Variants in PDE7A observed in about 807,000 individuals in gnomAD.
PDE7A encodes high affinity 3',5'-cyclic-AMP phosphodiesterase 7A.
Under a neutral mutation model 64.3 loss-of-function variants are expected in PDE7A, and 39 were observed. The ratio of observed to expected loss-of-function variants is 0.61; its 90% confidence interval spans 0.47 to 0.79. The LOEUF is 0.79. PDE7A is among the 30% of genes least tolerant of loss of function. The pLI is 0.00. For synonymous variants in PDE7A, 203 were observed against 206.8 expected (o/e 0.98, Z 0.16); for missense variants, 470 against 582.8 (o/e 0.81, Z 1.99).
At chr8:65,741,077 C>T (rs1807408589) in intron 5 of PDE7A, among the ~76,000 whole-genome samples, 1 of 152,156 alleles carries the variant, frequency 6.6e-6, no homozygotes, top group Non-Finnish European at 1.5e-5. Flanking sequence ...TTCGTTTTCC[C>T]TTCCATGGTG....
intron 3 of PDE7A, among the ~76,000 whole-genome samples, chr8:65,752,033 TAC>T (rs1432429795): frequency 6.6e-6 from 1 of 152,212 alleles, no homozygotes; most frequent in Non-Finnish European, 1.5e-5. Context: ...GCTACAGTTT[TAC>T]AGTTTGCAAG....
In PDE7A at chr8:65,782,832, A is replaced by G; in HGVS notation, c.150T>C (p.Ala50=). 1.3e-6 allele frequency: 2 copies of G among 1,584,272 alleles called. No homozygotes were observed. The highest frequency in any genetic ancestry group is 1.7e-6 in the Non-Finnish European group (2 of 1,154,454). ...TCTGATCAGAACTGTCATAGGAAAT[A>G]GCTCCACGCCTCTAGAAAAAAAAAT... ...NPRQLSQRRG[A]ISYDSSDQTA... is the part of the protein sequence containing the mutation. Residue 50 remains alanine, a synonymous_variant, in exon 2 of 13, where the codon GCT becomes GCC. Transcript: ENST00000401827.
intron 1 of PDE7A, among the ~76,000 whole-genome samples, chr8:65,815,496 A>T (rs1225145173): frequency 6.6e-6 from 1 of 152,238 alleles, no homozygotes; most frequent in African/African-American, 2.4e-5. Context: ...ACTCCCAGTC[A>T]TGACACAAAA....
rs1807749870 is a variant in PDE7A at position 65,747,776 on chromosome 8, G to A, written c.311C>T (p.Ser104Phe). 2 of 1,608,914 alleles carry A rather than the reference G, an allele frequency of 1.2e-6. No individual in the cohort carries two copies. The highest frequency in any genetic ancestry group is 1.7e-6 in the Non-Finnish European group (2 of 1,176,758). Residue 104 changes from serine to phenylalanine, a missense_variant, in exon 4 of 13, where the codon TCT becomes TTT. Physicochemically the swap from Ser to Phe is radical, Grantham distance 155. Transcript: ENST00000401827. ...TAGTAGCCTTCTGATATTCCTTGCA[G>A]AGACAGACACTTCAATTTCAGATTG... Reference protein sequence around the residue: ...HSQSEIEVSVSARNIRRLLSF... With the variant: ...HSQSEIEVSVFARNIRRLLSF...
intron 12 of PDE7A, 43 bp from the exon 13 acceptor site, chr8:65,719,538 A>C: frequency 1.6e-6 from 2 of 1,267,568 alleles, no homozygotes; most frequent in Non-Finnish European, 2.3e-6. Context: ...ATATGCTGAA[A>C]CTCTATCTTT....
chr8:65,830,013 T>C (rs959035333), intron 1 of PDE7A, among the ~76,000 whole-genome samples: 5 of 152,110 alleles, frequency 3.3e-5, no homozygotes, highest in Admixed American at 1.3e-4. Context: ...TCTAGAACCA[T>C]TGTGTTGACA....
rs756303754 is a variant in PDE7A at position 65,841,502 on chromosome 8, C to G, written c.7G>C (p.Val3Leu). 6.5e-7 allele frequency: 1 copy of G among 1,536,540 alleles called. No individual in the cohort carries two copies. Among genetic ancestry groups the G allele is most frequent in the Admixed American group, 2.2e-5 (1 of 45,990 alleles). Residue 3 changes from valine (V) to leucine (L), a missense_variant, in exon 1 of 13, where the codon GTG (valine) becomes CTG (leucine). Physicochemically the swap from Val to Leu is conservative, Grantham distance 32. Coordinates refer to ENST00000401827, the MANE Select transcript of PDE7A (RefSeq NM_001242318.3). Reference protein sequence around the residue: MEVCYQLPVLPLD... With the variant: MELCYQLPVLPLD... ...GGCAGTACCGGCAGCTGGTAACACA[C>G]TTCCATTGAATACGCCCGCCCTGCC...
intron 1 of PDE7A, among the ~76,000 whole-genome samples, chr8:65,798,173 TGTGTGC>T (rs1224381490): frequency 7.1e-6 from 1 of 139,984 alleles, no homozygotes; most frequent in Non-Finnish European, 1.5e-5. Context: ...CATGTGTGTG[TGTGTGC>T]ATATATATAT....
chr8:65,841,469 T>C lies in PDE7A; in HGVS notation c.40A>G (p.Arg14Gly). ...CYQLPVLPLD[R>G]PVPQHVLSRR... ...CTGAGGACGTGCTGGGGGACCGGCC[T>C]GTCCAGGGGCAGTACCGGCAGCTGG... is the stretch of plus-strand genomic sequence containing the variant. The change falls in exon 1 of 13, where the codon AGG becomes GGG. Residue 14 changes from arginine to glycine, a missense_variant. Coordinates refer to ENST00000401827, the MANE Select transcript of PDE7A (RefSeq NM_001242318.3). 1 of 1,561,244 alleles carries C rather than the reference T, an allele frequency of 6.4e-7. No individual in the cohort carries two copies. The highest frequency in any genetic ancestry group is 8.6e-7 in the Non-Finnish European group (1 of 1,158,924).
intron 6 of PDE7A, among the ~76,000 whole-genome samples, chr8:65,738,343 AAT>A (rs1483351340): frequency 6.6e-6 from 1 of 152,208 alleles, no homozygotes; most frequent in Non-Finnish European, 1.5e-5. Flanking sequence ...AGGGTCAGAA[AAT>A]GAGACCCCAA....
In PDE7A at chr8:65,796,976, G is replaced by A. The variant is rs570596891; in HGVS notation, c.139-14133C>T. Among the ~76,000 whole-genome samples, 3 of 152,158 alleles carry A rather than the reference G, an allele frequency of 2.0e-5. No individual in the cohort carries two copies. In the East Asian group the frequency reaches 5.8e-4, roughly 29 times the overall value. ...GAGCTACTGGAACTAATAAAAATTA[G>A]TACGGTCAATAGACACAAGTTTGAT... On this transcript the variant is annotated intron_variant, in intron 1 of 12. Transcript: ENST00000401827.
At chr8:65,786,517 T>C (rs1809562784) in intron 1 of PDE7A, among the ~76,000 whole-genome samples, 1 of 152,200 alleles carries the variant, frequency 6.6e-6, no homozygotes, top group East Asian at 1.9e-4. Context: ...CAATAAAAAT[T>C]TGACCTCCGT....
chr8:65,752,328 T>C (rs1334003957), intron 3 of PDE7A, among the ~76,000 whole-genome samples: 1 of 152,240 alleles, frequency 6.6e-6, no homozygotes, highest in African/African-American at 2.4e-5. Flanking sequence ...GTTCATACTC[T>C]AGTAGTATCC....
intron 1 of PDE7A, 55 bp downstream of exon 1, chr8:65,841,316 C>A: frequency 1.4e-6 from 2 of 1,434,556 alleles, no homozygotes; most frequent in Non-Finnish European, 1.8e-6. Context: ...GCTGGGTGGG[C>A]AGAGGGAAAC....
intron 3 of PDE7A, among the ~76,000 whole-genome samples, chr8:65,778,647 C>T (rs992033831): frequency 6.6e-6 from 1 of 152,106 alleles, no homozygotes; most frequent in African/African-American, 2.4e-5. Flanking sequence ...TCCTCCGAGG[C>T]CCCGAGTGTC....
chr8:65,817,616 T>A (rs1287158883), intron 1 of PDE7A, among the ~76,000 whole-genome samples: 5 of 152,176 alleles, frequency 3.3e-5, no homozygotes, highest in Non-Finnish European at 7.4e-5. Context: ...TGAGTACTAG[T>A]CAGGTGCTCT....
At chr8:65,761,138 C>A (rs1808476093) in intron 3 of PDE7A, among the ~76,000 whole-genome samples, 1 of 151,992 alleles carries the variant, frequency 6.6e-6, no homozygotes, top group Non-Finnish European at 1.5e-5. Flanking sequence ...CAGCTCACTG[C>A]AACCTCCGCC....
intron 12 of PDE7A, chr8:65,721,743 A>C (rs573823631): frequency 1.1e-4 from 16 of 152,118 alleles, no homozygotes; most frequent in Non-Finnish European, 2.2e-4. Context: ...TAATATTAAA[A>C]GTAACTGAGT....
In PDE7A at chr8:65,723,630, T is replaced by TA. The variant is rs745861177; in HGVS notation, c.1163-10dup. 1.3e-6 allele frequency: 2 copies of TA among 1,522,556 alleles called. No homozygotes were observed. The highest frequency in any genetic ancestry group is 1.8e-6 in the Non-Finnish European group (2 of 1,133,086). 94.3% of individuals were successfully genotyped at this position (1,522,556 alleles called of 1,614,324 possible). On this transcript the variant is annotated splice_polypyrimidine_tract_variant and intron_variant, in intron 11 of 12. Transcript: ENST00000401827. Reference sequence around the variant, plus strand: ...TTTTTTTTCTATATCTCCTATAAATTAAAAAAAGAGAAGTATTAATATGAA... The same window carrying TA: ...TTTTTTTTCTATATCTCCTATAAATTAAAAAAAAGAGAAGTATTAATATGAA...
Sources: gnomAD v4.1 joint callset for allele counts (sites outside exome capture counted in the v4.1 genomes callset) on GRCh38, gnomAD v4.1.1 for gene constraint, MANE v1.5 for transcripts, NCBI Gene and HGNC (gene_info 2026-07-23, HGNC 2026-07-21) for gene names.